The following FAM169A variants were observed in gnomAD, a reference collection of about 807,000 sequenced individuals.
FAM169A encodes the protein family with sequence similarity 169 member A.
FAM169A carries 24 observed loss-of-function variants against 75.7 expected under a neutral mutation model. That is an observed-to-expected ratio of 0.32 (90% CI 0.23 to 0.45). FAM169A has a LOEUF of 0.45. Among genes scored for constraint, FAM169A ranks in the 20% least tolerant of loss-of-function variants. FAM169A has a pLI of 1.00. For synonymous variants in FAM169A, 271 were observed against 271.0 expected, an observed-to-expected ratio of 1.00 and a Z score of 0.00; for missense variants, 673 against 784.0, an observed-to-expected ratio of 0.86 and a Z score of 1.69.
chr5:74,785,609 C>T (rs571700242), intron 11 of FAM169A, among the ~76,000 whole-genome samples: 1 of 152,244 alleles, frequency 6.6e-6, no homozygotes, highest in East Asian at 1.9e-4. Context: ...ACTGAAAATA[C>T]AAAAATTAGC....
Position 74,813,845 on chromosome 5 carries a change from T to C in FAM169A, c.665A>G (p.Tyr222Cys), listed in dbSNP as rs1256999710. Reference sequence around the variant, plus strand: ...TTTTAACTTAGTCCATTTACCTGTATACATGAGAGAAGACAGTGGATACCG... The same window carrying C: ...TTTTAACTTAGTCCATTTACCTGTACACATGAGAGAAGACAGTGGATACCG... ...GLRYPLSSLMYTACKQYFEKY... is the reference protein window; with the variant it reads ...GLRYPLSSLMCTACKQYFEKY... The change falls in exon 6 of 13, where the codon TAT becomes TGT. Residue 222 changes from tyrosine to cysteine, a missense_variant. This residue lies in a region of FAM169A where 510 missense variants were observed against 550.9 expected (regional missense o/e 0.93). Coordinates refer to ENST00000687041, the MANE Select transcript of FAM169A (RefSeq NM_001376049.1). The C allele has an allele frequency of 1.3e-6, 2 of 1,567,904 alleles. No homozygotes were observed. The highest frequency in any genetic ancestry group is 2.3e-5 in the East Asian group (1 of 44,036).
At chr5:74,852,426 T>C (rs2044410) in intron 1 of FAM169A, among the ~76,000 whole-genome samples, 38,639 of 151,950 alleles carry the variant, frequency 0.25, 5,412 homozygotes, top group African/African-American at 0.37. Context: ...GGGAAGAAGG[T>C]ACAAGAGACA....
chr5:74,814,581 G>A (rs1473614579), intron 5 of FAM169A, among the ~76,000 whole-genome samples: 2 of 152,078 alleles, frequency 1.3e-5, no homozygotes, highest in African/African-American at 2.4e-5. Context: ...AAATTGGGGC[G>A]AATTGGAAAC....
intron 1 of FAM169A, among the ~76,000 whole-genome samples, chr5:74,855,817 T>C (rs1749678865): frequency 1.3e-5 from 2 of 152,246 alleles, no homozygotes; most frequent in Non-Finnish European, 1.5e-5. Flanking sequence ...TCTGCTTTGA[T>C]TGCCTGTCTT....
At chr5:74,865,009 T>G (rs1353853475) in intron 1 of FAM169A, among the ~76,000 whole-genome samples, 1 of 152,210 alleles carries the variant, frequency 6.6e-6, no homozygotes. Context: ...TAAAAACGCA[T>G]GGCACACCAA....
intron 5 of FAM169A, among the ~76,000 whole-genome samples, chr5:74,828,731 C>T (rs1748161244): frequency 6.6e-6 from 1 of 152,194 alleles, no homozygotes; most frequent in African/African-American, 2.4e-5. Flanking sequence ...CTACCCTTTT[C>T]CCAGATTATA....
chr5:74,860,702 G>C (rs781672245), intron 1 of FAM169A, among the ~76,000 whole-genome samples: 5 of 151,808 alleles, frequency 3.3e-5, no homozygotes, highest in Non-Finnish European at 7.4e-5. Flanking sequence ...AAGTGGAATA[G>C]CCAAGGCTTA....
At chr5:74,816,410 A>G (rs1183774028) in intron 5 of FAM169A, among the ~76,000 whole-genome samples, 1 of 152,168 alleles carries the variant, frequency 6.6e-6, no homozygotes, top group Non-Finnish European at 1.5e-5. Context: ...CATTCCTTCT[A>G]GTAAAGGGAA....
chr5:74,845,789 G>C (rs1749125252), intron 1 of FAM169A, among the ~76,000 whole-genome samples: 1 of 152,174 alleles, frequency 6.6e-6, no homozygotes, highest in African/African-American at 2.4e-5. Context: ...TCAACCAGGA[G>C]CTTATGCAAG....
intron 11 of FAM169A, among the ~76,000 whole-genome samples, chr5:74,791,762 T>C (rs1745986946): frequency 6.6e-6 from 1 of 152,150 alleles, no homozygotes. Context: ...GAATGAAGGT[T>C]TGGGTTACTC....
intron 1 of FAM169A, among the ~76,000 whole-genome samples, chr5:74,849,184 T>C (rs936457821): frequency 6.6e-6 from 1 of 152,208 alleles, no homozygotes; most frequent in African/African-American, 2.4e-5. Flanking sequence ...TCTAAGATCA[T>C]GAGCATCTGC....
At chr5:74,866,908 C>G, upstream of FAM169A, 1 of 985,548 alleles carries the variant, frequency 1.0e-6, no homozygotes, top group Middle Eastern at 5.2e-4. Flanking sequence ...CACTTTCATC[C>G]TAAACCTACT....
intron 5 of FAM169A, among the ~76,000 whole-genome samples, chr5:74,826,499 A>G (rs953704221): frequency 2.0e-5 from 3 of 152,170 alleles, no homozygotes; most frequent in Non-Finnish European, 2.9e-5. Context: ...TCCTCAAAGG[A>G]GACGTTTTTG....
intron 1 of FAM169A, among the ~76,000 whole-genome samples, chr5:74,857,693 C>T (rs1405455978): frequency 7.3e-6 from 1 of 137,764 alleles, no homozygotes; most frequent in African/African-American, 3.0e-5. Flanking sequence ...GGTAAAAGAA[C>T]TGAGACTTTC....
At chr5:74,808,853 T>C (rs895738847) in intron 6 of FAM169A, among the ~76,000 whole-genome samples, 9 of 152,228 alleles carry the variant, frequency 5.9e-5, no homozygotes, top group Non-Finnish European at 1.0e-4. Flanking sequence ...TTGTATTTAG[T>C]TCTCCCTTAA....
Position 74,782,990 on chromosome 5 carries a change from T to A in FAM169A, c.1405A>T (p.Asn469Tyr). 1 of 1,614,056 alleles carries A rather than the reference T, an allele frequency of 6.2e-7. No individual in the cohort carries two copies. Among genetic ancestry groups the A allele is most frequent in the South Asian group, 1.1e-5 (1 of 91,078 alleles). Reference protein sequence around the residue: ...QPFNSSEDSTNLVPLVVESSK... With the variant: ...QPFNSSEDSTYLVPLVVESSK... Reference sequence around the variant, plus strand: ...GATTCTACCACCAGTGGAACAAGATTTGTAGAGTCTTCACTGGAATTAAAA... The same window carrying A: ...GATTCTACCACCAGTGGAACAAGATATGTAGAGTCTTCACTGGAATTAAAA... Residue 469 changes from asparagine (N) to tyrosine (Y), a missense_variant, in exon 12 of 13, where the codon AAT becomes TAT. By Grantham distance (143) the Asn-to-Tyr change is moderately radical. Transcript: ENST00000687041.
At chr5:74,797,613 T>C (rs950340378) in intron 10 of FAM169A, among the ~76,000 whole-genome samples, 8 of 152,258 alleles carry the variant, frequency 5.3e-5, no homozygotes, top group African/African-American at 1.9e-4. Context: ...TTGACTATTT[T>C]ACATTTAAAT....
intron 5 of FAM169A, among the ~76,000 whole-genome samples, chr5:74,830,757 C>T (rs1394746488): frequency 1.3e-5 from 2 of 152,022 alleles, no homozygotes; most frequent in Non-Finnish European, 2.9e-5. Context: ...AAACTTGAAA[C>T]TATAATGTCT....
At chr5:74,804,688 T>G in intron 7 of FAM169A, 83 bp from the exon 8 acceptor site, 1 of 734,592 alleles carries the variant, frequency 1.4e-6, no homozygotes. Flanking sequence ...TCCTAAAAGC[T>G]CTGAAGAGCA....
Sources: gnomAD v4.1 joint callset for allele counts (sites outside exome capture counted in the v4.1 genomes callset) on GRCh38, gnomAD v4.1.1 for gene constraint, gnomAD v4.1.1 regional missense constraint, MANE v1.5 for transcripts, NCBI Gene and HGNC (gene_info 2026-07-23, HGNC 2026-07-21) for gene names.